PCDH15: variants seen among roughly 807,000 people sequenced by gnomAD.
PCDH15 encodes protocadherin related 15, also known as protocadherin-15.
In PCDH15, 129 loss-of-function variants were observed where a neutral mutation model predicts 178.5. That is an observed-to-expected ratio of 0.72 (90% CI 0.63 to 0.84). The LOEUF is 0.84. Among genes scored for constraint, PCDH15 ranks in the 40% least tolerant of loss-of-function variants. The probability of loss-of-function intolerance (pLI) is 0.00; values close to 1 mark genes in which losing one functional copy is unlikely to be tolerated. For synonymous variants in PCDH15, 800 were observed against 732.0 expected (o/e 1.09, Z -1.50); for missense variants, 2,230 against 2,099.9 (o/e 1.06, Z -1.21).
At chr10:53,848,175 T>C (rs1224516270) in intron 28 of PCDH15, among the ~76,000 whole-genome samples, 3 of 151,770 alleles carry the variant, frequency 2.0e-5, no homozygotes, top group African/African-American at 7.2e-5. Flanking sequence ...AAGTGATATA[T>C]CTACCTTGTA....
At chr10:55,161,153 G>T (rs748907911) in intron 2 of PCDH15, among the ~76,000 whole-genome samples, 5 of 152,122 alleles carry the variant, frequency 3.3e-5, no homozygotes, top group Non-Finnish European at 7.4e-5. Context: ...GGTGATAGGG[G>T]TGGGATAGCT....
chr10:54,236,770 T>C lies in PCDH15; in HGVS notation c.985+53A>G, dbSNP rs2054665053. 3.7e-6 allele frequency: 5 copies of C among 1,359,320 alleles called. No homozygotes were observed. In the South Asian group the frequency reaches 5.8e-5, roughly 16 times the overall value. The allele number at this position is 1,359,320 out of a possible 1,614,324, so 84.2% of individuals were successfully genotyped here. On this transcript the variant is annotated intron_variant, in intron 9 of 37. Coordinates refer to ENST00000644397, the MANE Select transcript of PCDH15 (RefSeq NM_001384140.1). ...ATTTCCTTGGAATTGAGAGAATTTG[T>C]TACTGTAAGATTCTAGAATAACTGA...
At chr10:54,026,946 T>C (rs1345794149) in intron 18 of PCDH15, among the ~76,000 whole-genome samples, 11 of 150,052 alleles carry the variant, frequency 7.3e-5, no homozygotes, top group Non-Finnish European at 1.5e-5. Context: ...CCAGGGCAAT[T>C]AGGCAGGAGA....
intron 25 of PCDH15, among the ~76,000 whole-genome samples, chr10:53,924,838 A>G (rs2084352039): frequency 6.6e-6 from 1 of 152,196 alleles, no homozygotes; most frequent in African/African-American, 2.4e-5. Context: ...CTCTGTGTCT[A>G]GCTCAAGGTT....
intron 2 of PCDH15, among the ~76,000 whole-genome samples, chr10:54,551,719 TA>T (rs1356475744): frequency 2.0e-5 from 3 of 152,060 alleles, no homozygotes; most frequent in South Asian, 4.1e-4. Context: ...TCAGATTTTT[TA>T]AAAGAACTTT....
At chr10:54,576,358 C>T (rs989752427) in intron 2 of PCDH15, among the ~76,000 whole-genome samples, 2 of 152,252 alleles carry the variant, frequency 1.3e-5, no homozygotes, top group African/African-American at 4.8e-5. Context: ...AATATTAAGT[C>T]AGAATGAAAA....
intron 15 of PCDH15, among the ~76,000 whole-genome samples, chr10:54,128,435 T>A (rs964889530): frequency 2.0e-5 from 3 of 152,170 alleles, no homozygotes; most frequent in Admixed American, 1.3e-4. Context: ...CACCACCACA[T>A]TTCTCTCCAA....
chr10:54,429,430 A>G (rs1230838430), intron 3 of PCDH15, among the ~76,000 whole-genome samples: 4 of 152,198 alleles, frequency 2.6e-5, no homozygotes, highest in Non-Finnish European at 4.4e-5. Context: ...GAAGACCACA[A>G]AATCATCAGA....
chr10:53,825,818 C>G (rs765463291), intron 32 of PCDH15, among the ~76,000 whole-genome samples: 9 of 151,288 alleles, frequency 5.9e-5, no homozygotes, highest in Non-Finnish European at 1.2e-4. Context: ...ATATGTAGAA[C>G]TTACTTAAAC....
At chr10:54,159,681 A>C (rs1237349791) in intron 13 of PCDH15, among the ~76,000 whole-genome samples, 1 of 152,162 alleles carries the variant, frequency 6.6e-6, no homozygotes, top group Non-Finnish European at 1.5e-5. Flanking sequence ...GTAATCATTA[A>C]TACAATAATG....
intron 2 of PCDH15, among the ~76,000 whole-genome samples, chr10:54,912,455 T>C (rs1954834090): frequency 1.3e-5 from 2 of 152,112 alleles, no homozygotes; most frequent in African/African-American, 4.8e-5. Flanking sequence ...TCTCTCCTGC[T>C]CCACGAGGTG....
intron 1 of PCDH15, among the ~76,000 whole-genome samples, chr10:55,182,487 A>G (rs1030638735): frequency 2.0e-5 from 3 of 151,960 alleles, no homozygotes. Context: ...TTTGTCACTG[A>G]TCGCTGTCAA....
At chr10:54,216,638 G>A (rs1005690111) in intron 9 of PCDH15, among the ~76,000 whole-genome samples, 1 of 152,160 alleles carries the variant, frequency 6.6e-6, no homozygotes, top group African/African-American at 2.4e-5. Context: ...GTCCCAGTTG[G>A]AGACTGTACT....
At position 54,613,650 on chromosome 10, in the gene PCDH15, A is replaced by T. The variant is rs60147919; in HGVS notation, c.91+50522T>A. 4.1e-3 allele frequency among the ~76,000 whole-genome samples: 621 copies of T among 151,880 alleles called. 5 individuals carry two copies. The highest frequency in any genetic ancestry group is 0.014 in the African/African-American group (599 of 41,484). ...TAATGATTTTTTGAACAATCTGAAG[A>T]CAATTAAGCAAATTCAGAATAATTT... On this transcript the variant is annotated intron_variant, in intron 2 of 37. Transcript: ENST00000644397.
chr10:54,854,540 C>T (rs1953701879), intron 3 of PCDH15, among the ~76,000 whole-genome samples: 1 of 152,090 alleles, frequency 6.6e-6, no homozygotes, highest in Non-Finnish European at 1.5e-5. Context: ...TTTCTGCAGC[C>T]AGAGTGTCCC....
intron 16 of PCDH15, among the ~76,000 whole-genome samples, chr10:54,088,468 C>T (rs562978099): frequency 2.0e-5 from 3 of 152,254 alleles, no homozygotes; most frequent in South Asian, 2.1e-4. Flanking sequence ...ACACCATATA[C>T]ATTATTTTAA....
chr10:55,135,037 T>G (rs1838151513), intron 2 of PCDH15, among the ~76,000 whole-genome samples: 1 of 152,180 alleles, frequency 6.6e-6, no homozygotes, highest in South Asian at 2.1e-4. Context: ...CACTCCTATA[T>G]AAGCGCCATC....
intron 2 of PCDH15, among the ~76,000 whole-genome samples, chr10:55,363,664 T>A (rs901114258): frequency 6.6e-6 from 1 of 152,082 alleles, no homozygotes; most frequent in Admixed American, 6.6e-5. Context: ...GGACGGAATT[T>A]CGCTCTTGTT....
At chr10:54,248,301 C>A (rs1052700455) in intron 8 of PCDH15, among the ~76,000 whole-genome samples, 1 of 151,796 alleles carries the variant, frequency 6.6e-6, no homozygotes, top group Non-Finnish European at 1.5e-5. Context: ...ATTTAAAAAT[C>A]GTACTTAAAA....
Sources: gnomAD v4.1 joint callset for allele counts (sites outside exome capture counted in the v4.1 genomes callset) on GRCh38, gnomAD v4.1.1 for gene constraint, MANE v1.5 for transcripts, NCBI Gene and HGNC (gene_info 2026-07-23, HGNC 2026-07-21) for gene names.